RPGRIP1L: variants seen among roughly 807,000 people sequenced by gnomAD.
RPGRIP1L encodes the protein protein fantom.
A neutral mutation model predicts 160.4 loss-of-function variants in RPGRIP1L; 131 were observed. The observed-to-expected ratio is 0.82, with a 90% CI of 0.71 to 0.94. The LOEUF (loss-of-function observed/expected upper bound fraction) is 0.94, where lower values mean the gene tolerates loss of function less well. RPGRIP1L is among the 40% of genes least tolerant of loss of function. RPGRIP1L has a pLI of 0.00. For synonymous variants in RPGRIP1L, 510 were observed against 515.8 expected (o/e 0.99, Z 0.15); for missense variants, 1,522 against 1,535.8 (o/e 0.99, Z 0.15).
chr16:53,658,480 T>G lies in RPGRIP1L; in HGVS notation c.1351-16A>C, dbSNP rs1300925245. ...TATCATTCTCCTGCAATAGATTAAGTAAAAGCTCACAATGAGTTATGAATG... is the reference window on the plus strand; with the variant it reads ...TATCATTCTCCTGCAATAGATTAAGGAAAAGCTCACAATGAGTTATGAATG... On this transcript the variant is annotated splice_polypyrimidine_tract_variant and intron_variant, in intron 11 of 26. Transcript: ENST00000647211. 6.3e-7 allele frequency: 1 copy of G among 1,588,408 alleles called. No homozygotes were observed. Among genetic ancestry groups the G allele is most frequent in the Non-Finnish European group, 8.6e-7 (1 of 1,156,998 alleles).
chr16:53,697,906 T>C (rs1567896354), intron 2 of RPGRIP1L, among the ~76,000 whole-genome samples: 1 of 150,146 alleles, frequency 6.7e-6, no homozygotes, highest in Non-Finnish European at 1.5e-5. Context: ...CCATCCCATC[T>C]AGGAAGTGAG....
At chr16:53,658,500 T>C in intron 11 of RPGRIP1L, 36 bp from the exon 12 acceptor site, 1 of 1,495,376 alleles carries the variant, frequency 6.7e-7, no homozygotes, top group Non-Finnish European at 9.3e-7. Context: ...CAATGAGTTA[T>C]GAATGGAAAA....
At position 53,654,745 on chromosome 16, in the gene RPGRIP1L, TA is replaced by T. The variant is rs531167875; in HGVS notation, c.1699+1726del. On this transcript the variant is annotated intron_variant, in intron 14 of 26. Transcript: ENST00000647211. Reference sequence around the variant, plus strand: ...TCAATCAATGAATTGAGGGGACAGATAAAATATGATGGTTAAAATTTAGTAA... The same window carrying T: ...TCAATCAATGAATTGAGGGGACAGATAAATATGATGGTTAAAATTTAGTAA... 5.5e-4 allele frequency among the ~76,000 whole-genome samples: 84 copies of T among 152,310 alleles called. 1 individual carries two copies. The highest frequency in any genetic ancestry group is 3.4e-3 in the Middle Eastern group (1 of 294).
intron 22 of RPGRIP1L, among the ~76,000 whole-genome samples, chr16:53,623,175 T>C (rs898624920): frequency 2.0e-5 from 3 of 152,196 alleles, no homozygotes; most frequent in Non-Finnish European, 4.4e-5. Flanking sequence ...GGGTAACTAA[T>C]ACAATAGCTT....
chr16:53,642,303 G>A (rs180842836), intron 17 of RPGRIP1L, among the ~76,000 whole-genome samples: 10 of 151,882 alleles, frequency 6.6e-5, no homozygotes, highest in African/African-American at 1.9e-4. Flanking sequence ...CAAGCCATCC[G>A]CCTACTCAGC....
intron 25 of RPGRIP1L, 39 bp from the exon 26 acceptor site, chr16:53,605,653 A>G (rs748503233): frequency 6.2e-7 from 1 of 1,611,408 alleles, no homozygotes; most frequent in Non-Finnish European, 8.5e-7. Context: ...CCACCAAGTG[A>G]GAAGAAATCA....
In RPGRIP1L at chr16:53,652,526, T is replaced by C; in HGVS notation, c.2152+9A>G. 6.2e-7 allele frequency: 1 copy of C among 1,606,816 alleles called. No individual in the cohort carries two copies. Among genetic ancestry groups the C allele is most frequent in the Non-Finnish European group, 8.5e-7 (1 of 1,173,524 alleles). ...ATTCAAACACCCAAGGCTTATACAT[T>C]GTACTTACCAATCAAACTTGCTGTA... On this transcript the variant is annotated intron_variant, in intron 15 of 26. Transcript: ENST00000647211.
rs1304447848 is a variant in RPGRIP1L, at chr16:53,600,594, CGA to C, written c.*1480_*1481del. On this transcript the variant is annotated 3_prime_UTR_variant, in exon 27 of 27. Transcript: ENST00000647211. ...ATGTCATTTCAAAGCCTTCTAAAGA[CGA>C]GAGTCATTATTGAAGCCATTAGAGC... 2.6e-5 allele frequency: 4 copies of C among 152,562 alleles called. No individual in the cohort carries two copies. The highest frequency in any genetic ancestry group is 9.7e-5 in the African/African-American group (4 of 41,414). 9.5% of individuals were successfully genotyped at this position (152,562 alleles called of 1,614,324 possible).
intron 25 of RPGRIP1L, among the ~76,000 whole-genome samples, chr16:53,609,601 C>T (rs1405843760): frequency 1.3e-5 from 2 of 152,130 alleles, no homozygotes; most frequent in African/African-American, 2.4e-5. Flanking sequence ...GCTACTGAAT[C>T]GCAGCCCAGG....
intron 26 of RPGRIP1L, among the ~76,000 whole-genome samples, chr16:53,602,925 T>C (rs561293874): frequency 1.3e-5 from 2 of 152,224 alleles, no homozygotes; most frequent in East Asian, 1.9e-4. Flanking sequence ...GAGGAAAACA[T>C]TTCATTTAAA....
At chr16:53,622,708 AAGCCCAGG>A (rs924942422) in intron 22 of RPGRIP1L, among the ~76,000 whole-genome samples, 2 of 151,832 alleles carry the variant, frequency 1.3e-5, no homozygotes, top group Non-Finnish European at 2.9e-5. Context: ...CAGATTGCTT[AAGCCCAGG>A]AGCCCAAGAG....
rs527298609 is a variant in RPGRIP1L, at chr16:53,703,365, T to C, written c.-8+438A>G. On this transcript the variant is annotated intron_variant, in intron 1 of 26. Coordinates refer to ENST00000647211, the MANE Select transcript of RPGRIP1L (RefSeq NM_015272.5). ...ATGGCAAGCAAAACCCCCGCCTTTA[T>C]GAAGCTAGCAAGTTATGGAGGTAAT... 2.0e-5 allele frequency: 3 copies of C among 152,366 alleles called. No individual in the cohort carries two copies. The South Asian group carries it at 6.2e-4, about 32-fold the overall frequency. 9.4% of individuals were successfully genotyped at this position (152,366 alleles called of 1,614,324 possible).
Position 53,692,379 on chromosome 16 carries a change from A to C in RPGRIP1L, c.231-15T>G, listed in dbSNP as rs762320051. ...TGGTGGCCATTCTGGGGAAATAATA[A>C]AAAGATGAAAAGGAATGTGAGAAGT... is the stretch of plus-strand genomic sequence containing the variant. On this transcript the variant is annotated splice_polypyrimidine_tract_variant and intron_variant, in intron 3 of 26. Coordinates refer to ENST00000647211, the MANE Select transcript of RPGRIP1L (RefSeq NM_015272.5). 9.3e-6 allele frequency: 15 copies of C among 1,608,852 alleles called. No homozygotes were observed. The African/African-American group carries it at 9.4e-5, about 10-fold the overall frequency.
intron 2 of RPGRIP1L, among the ~76,000 whole-genome samples, chr16:53,698,685 G>A (rs1256793580): frequency 8.7e-5 from 12 of 137,396 alleles, no homozygotes; most frequent in Non-Finnish European, 1.9e-4. Context: ...TCAGCCCCCC[G>A]CCCGGCCAGC....
intron 22 of RPGRIP1L, among the ~76,000 whole-genome samples, chr16:53,624,079 A>G (rs1964912843): frequency 6.6e-6 from 1 of 152,012 alleles, no homozygotes; most frequent in Admixed American, 6.6e-5. Flanking sequence ...TTTTGTAGAG[A>G]CGGGGTTTCA....
At chr16:53,638,776 T>G (rs1396701952) in intron 19 of RPGRIP1L, among the ~76,000 whole-genome samples, 1 of 151,806 alleles carries the variant, frequency 6.6e-6, no homozygotes, top group Non-Finnish European at 1.5e-5. Flanking sequence ...TTTATTAACA[T>G]TACAGAGAAT....
chr16:53,635,034 A>G (rs954529458), intron 22 of RPGRIP1L, among the ~76,000 whole-genome samples: 2 of 152,234 alleles, frequency 1.3e-5, no homozygotes, highest in East Asian at 3.8e-4. Context: ...TGAAGACCGT[A>G]TCAGGCTGTA....
rs1245622505 is a variant in RPGRIP1L, at chr16:53,656,624, T to C, written c.1582-35A>G. 6.6e-6 allele frequency: 9 copies of C among 1,355,644 alleles called. No homozygotes were observed. In the East Asian group the frequency reaches 1.1e-4, roughly 17 times the overall value. The allele number at this position is 1,355,644 out of a possible 1,614,324, so 84.0% of individuals were successfully genotyped here. ...AAGGGAAAATAAGTTTTAATACTTA[T>C]GATTAGTTCTATTTTCATTATTCAA... On this transcript the variant is annotated intron_variant, in intron 13 of 26. Transcript: ENST00000647211.
At chr16:53,703,693 G>A (rs1971718384) in intron 1 of RPGRIP1L, 110 bp downstream of exon 1, 1 of 241,200 alleles carries the variant, frequency 4.1e-6, no homozygotes, top group African/African-American at 2.2e-5. Flanking sequence ...CCAACTCCAG[G>A]GCCTTCTCCA....
Sources: gnomAD v4.1 joint callset for allele counts (sites outside exome capture counted in the v4.1 genomes callset) on GRCh38, gnomAD v4.1.1 for gene constraint, MANE v1.5 for transcripts, NCBI Gene and HGNC (gene_info 2026-07-23, HGNC 2026-07-21) for gene names.